PDK1: variants seen among roughly 807,000 people sequenced by gnomAD.
The protein encoded by PDK1 is [Pyruvate dehydrogenase (acetyl-transferring)] kinase isozyme 1, mitochondrial.
A neutral mutation model predicts 54.2 loss-of-function variants in PDK1; 39 were observed. The ratio of observed to expected loss-of-function variants is 0.72; its 90% CI spans 0.56 to 0.94. PDK1 has a LOEUF of 0.94. Ranked by LOEUF, PDK1 falls within the 40% of genes least tolerant of loss-of-function variation. The pLI is 0.00. For missense variants in PDK1, 552 were observed against 566.0 expected (o/e 0.98, Z 0.25); for synonymous variants, 221 against 207.1 (o/e 1.07, Z -0.58).
chr2:172,649,371 A>T, the PDK1 span, among the ~76,000 whole-genome samples: 1 of 152,222 alleles, frequency 6.6e-6, no homozygotes, highest in Admixed American at 6.5e-5. Context: ...AACCAAAAAG[A>T]TGGGGAGAAA....
the PDK1 span, among the ~76,000 whole-genome samples, chr2:172,622,804 A>C: frequency 1.1e-3 from 165 of 147,484 alleles, 1 homozygote; most frequent in African/African-American, 3.7e-3. Flanking sequence ...ATGTTTATAT[A>C]TTATGTATAT....
At chr2:172,609,814 A>G (rs754437230), downstream of PDK1, among the ~76,000 whole-genome samples, 1 of 151,972 alleles carries the variant, frequency 6.6e-6, no homozygotes, top group Non-Finnish European at 1.5e-5. Flanking sequence ...AAAAGCACTC[A>G]CTACTTTTTT....
the PDK1 span, among the ~76,000 whole-genome samples, chr2:172,664,952 A>G: frequency 6.6e-6 from 1 of 152,144 alleles, no homozygotes; most frequent in East Asian, 1.9e-4. Flanking sequence ...TATGGTATGA[A>G]GATGTTTTCA....
At chr2:172,564,379 A>G in intron 3 of PDK1, 124 bp from the exon 4 acceptor site, 2 of 694,008 alleles carry the variant, frequency 2.9e-6, no homozygotes, top group East Asian at 5.0e-5. Context: ...ATAGGAAAAC[A>G]TGAACCGATT....
intron 8 of PDK1, among the ~76,000 whole-genome samples, chr2:172,582,427 A>C (rs1203624603): frequency 6.6e-6 from 1 of 152,186 alleles, no homozygotes; most frequent in East Asian, 1.9e-4. Flanking sequence ...GCCTAGTGTT[A>C]CTGGGAATAG....
chr2:172,698,554 G>T, the PDK1 span, among the ~76,000 whole-genome samples: 1 of 152,190 alleles, frequency 6.6e-6, no homozygotes, highest in Non-Finnish European at 1.5e-5. Context: ...AAGCCTAATG[G>T]TTGGAACTTG....
chr2:172,622,110 G>A, the PDK1 span, among the ~76,000 whole-genome samples: 1 of 128,736 alleles, frequency 7.8e-6, no homozygotes, highest in Admixed American at 7.5e-5. Flanking sequence ...CATATATTAT[G>A]TGAGATATGT....
the PDK1 span, among the ~76,000 whole-genome samples, chr2:172,645,140 C>T: frequency 6.6e-6 from 1 of 151,344 alleles, no homozygotes; most frequent in East Asian, 2.0e-4. Flanking sequence ...ATTTACACTA[C>T]AGAAATCAGC....
At chr2:172,687,115 A>G in the PDK1 span, among the ~76,000 whole-genome samples, 1 of 143,566 alleles carries the variant, frequency 7.0e-6, no homozygotes, top group East Asian at 1.9e-4. Flanking sequence ...TTATATAGTA[A>G]TATGTAGAAG....
At chr2:172,571,163 A>T (rs1323928811) in intron 8 of PDK1, among the ~76,000 whole-genome samples, 4 of 152,152 alleles carry the variant, frequency 2.6e-5, no homozygotes, top group East Asian at 1.9e-4. Context: ...AATTTAAAAA[A>T]TTTTAAAACA....
In PDK1 at chr2:172,595,969, G is replaced by GACAC. The variant is rs1165711626; in HGVS notation, c.*3_*6dup. The GACAC allele has an allele frequency of 6.2e-7, 1 of 1,607,810 alleles. No individual in the cohort carries two copies. The highest frequency in any genetic ancestry group is 8.5e-7 in the Non-Finnish European group (1 of 1,176,176). Reference sequence around the variant, plus strand: ...ACATGACGACGTTCCGCAGTGCCTAGACACACTTGGGACATCGGAAAATCC... The same window carrying GACAC: ...ACATGACGACGTTCCGCAGTGCCTAGACACACACACTTGGGACATCGGAAAATCC... On this transcript the variant is annotated 3_prime_UTR_variant, in exon 11 of 11. Transcript: ENST00000282077.
the PDK1 span, among the ~76,000 whole-genome samples, chr2:172,686,269 G>T: frequency 6.6e-6 from 1 of 152,190 alleles, no homozygotes; most frequent in Non-Finnish European, 1.5e-5. Flanking sequence ...AAGCCAGCTG[G>T]ATTTCCTGGG....
the PDK1 span, among the ~76,000 whole-genome samples, chr2:172,642,690 C>G: frequency 5.3e-5 from 8 of 152,210 alleles, no homozygotes; most frequent in South Asian, 2.1e-4. Context: ...GTCCCATCCT[C>G]AAGTGTGTCC....
chr2:172,619,308 C>G, the PDK1 span, among the ~76,000 whole-genome samples: 1 of 152,186 alleles, frequency 6.6e-6, no homozygotes, highest in African/African-American at 2.4e-5. Context: ...CTCTCCTGTT[C>G]TTGGATTTCC....
rs1691200212 is a variant in PDK1, at chr2:172,603,996, T to A, written c.*8027T>A. On this transcript the variant is annotated 3_prime_UTR_variant, in exon 11 of 11. Transcript: ENST00000282077. ...ATCAATATCTAAAAAAATTCTGAGA[T>A]TTGGATTGTGATGTGTTAAATTTCT... 6.6e-6 allele frequency: 1 copy of A among 152,118 alleles called. No homozygotes were observed. The highest frequency in any genetic ancestry group is 2.4e-5 in the African/African-American group (1 of 41,420). The allele number at this position is 152,118 out of a possible 1,614,324, so 9.4% of individuals were successfully genotyped here.
At chr2:172,580,599 C>T (rs1367271991) in intron 8 of PDK1, among the ~76,000 whole-genome samples, 1 of 152,148 alleles carries the variant, frequency 6.6e-6, no homozygotes, top group Non-Finnish European at 1.5e-5. Flanking sequence ...AGCAATCCTA[C>T]TCCTATGTCT....
At chr2:172,713,283 G>A in the PDK1 span, among the ~76,000 whole-genome samples, 2 of 152,222 alleles carry the variant, frequency 1.3e-5, no homozygotes, top group Non-Finnish European at 2.9e-5. Flanking sequence ...GCCATGTGTG[G>A]GCTTGGAAAA....
chr2:172,555,854 A>C, upstream of PDK1: 2 of 279,814 alleles, frequency 7.1e-6, no homozygotes, highest in Non-Finnish European at 1.3e-5. Context: ...CTGGGGCGGG[A>C]TCTGGGCGGC....
intron 8 of PDK1, among the ~76,000 whole-genome samples, chr2:172,572,087 C>G (rs945595852): frequency 1.3e-5 from 2 of 152,070 alleles, no homozygotes; most frequent in African/African-American, 2.4e-5. Context: ...GCCTCGGCCT[C>G]CCGAAGTGCT....
Sources: gnomAD v4.1 joint callset for allele counts (sites outside exome capture counted in the v4.1 genomes callset) on GRCh38, gnomAD v4.1.1 for gene constraint, MANE v1.5 for transcripts, NCBI Gene and HGNC (gene_info 2026-07-23, HGNC 2026-07-21) for gene names.